Variants in ZDHHC21 observed in about 807,000 individuals in gnomAD.
ZDHHC21 encodes zDHHC palmitoyltransferase 21, also known as palmitoyltransferase ZDHHC21.
Under a neutral mutation model 34.6 loss-of-function variants are expected in ZDHHC21, and 15 were observed. The observed-to-expected ratio is 0.43, with a 90% CI of 0.29 to 0.67. The LOEUF (loss-of-function observed/expected upper bound fraction) is 0.67, where lower values mean the gene tolerates loss of function less well. Among genes scored for constraint, ZDHHC21 ranks in the 30% least tolerant of loss-of-function variants. The probability of loss-of-function intolerance (pLI) is 0.14; values close to 1 mark genes in which losing one functional copy is unlikely to be tolerated. For missense variants in ZDHHC21, 344 were observed against 327.7 expected, an observed-to-expected ratio of 1.05 and a Z score of -0.38; for synonymous variants, 142 against 101.8, an observed-to-expected ratio of 1.40 and a Z score of -2.38.
chr9:14,620,322 T>C (rs1825078739), intron 8 of ZDHHC21, among the ~76,000 whole-genome samples: 1 of 152,038 alleles, frequency 6.6e-6, no homozygotes. Flanking sequence ...AGAAGATTGC[T>C]TCCAGAAATG....
rs546014852 is a variant in ZDHHC21 at position 14,669,842 on chromosome 9, T to C, written c.253+2988A>G. On this transcript the variant is annotated intron_variant, in intron 5 of 9. Coordinates refer to ENST00000380916, the MANE Select transcript of ZDHHC21 (RefSeq NM_178566.6). ...ACACAGGAAGGGGAATATCACACTC[T>C]AGGGACTGTGGTGGGGTGGGGGGAG... Among the ~76,000 whole-genome samples the C allele has an allele frequency of 1.6e-3, 191 of 116,838 alleles. 1 individual carries two copies. The highest frequency in any genetic ancestry group is 5.7e-3 in the African/African-American group (170 of 30,026). The allele number at this position is 116,838 out of a possible 152,430, so 76.7% of individuals were successfully genotyped here.
chr9:14,623,007 T>C (rs530842445), intron 8 of ZDHHC21, among the ~76,000 whole-genome samples: 5 of 152,226 alleles, frequency 3.3e-5, no homozygotes, highest in African/African-American at 1.2e-4. Context: ...AACACTGTTC[T>C]ATACACACAA....
At chr9:14,678,320 A>G (rs758623342) in intron 3 of ZDHHC21, among the ~76,000 whole-genome samples, 1 of 152,080 alleles carries the variant, frequency 6.6e-6, no homozygotes, top group African/African-American at 2.4e-5. Context: ...CTGAAGCCCA[A>G]AACACATGAA....
intron 8 of ZDHHC21, among the ~76,000 whole-genome samples, chr9:14,631,165 T>C (rs1827277011): frequency 6.6e-6 from 1 of 152,248 alleles, no homozygotes; most frequent in Non-Finnish European, 1.5e-5. Context: ...ATCTGTTGTT[T>C]TGTGTGGCCA....
At chr9:14,642,098 A>G (rs184872005) in intron 7 of ZDHHC21, among the ~76,000 whole-genome samples, 32 of 152,314 alleles carry the variant, frequency 2.1e-4, no homozygotes, top group Non-Finnish European at 4.4e-4. Flanking sequence ...GATGAGACTA[A>G]AAGATCTACT....
intron 6 of ZDHHC21, among the ~76,000 whole-genome samples, chr9:14,660,813 G>A (rs1047473658): frequency 5.3e-5 from 8 of 151,340 alleles, no homozygotes; most frequent in East Asian, 3.9e-4. Context: ...TACTGCATTC[G>A]TTTGAAAAAA....
intron 4 of ZDHHC21, 30 bp from the exon 5 acceptor site, chr9:14,672,958 T>A (rs1223750622): frequency 1.5e-6 from 2 of 1,347,174 alleles, no homozygotes; most frequent in African/African-American, 1.5e-5. Flanking sequence ...AATAAATTAG[T>A]CACTTACCCT....
At chr9:14,594,092 T>G in the ZDHHC21 span, 5 of 152,176 alleles carry the variant, frequency 3.3e-5, no homozygotes, top group Non-Finnish European at 7.3e-5. Flanking sequence ...AATTGCTAGA[T>G]AAGATATTTG....
At chr9:14,609,602 T>C (rs577419531), downstream of ZDHHC21, among the ~76,000 whole-genome samples, 3 of 152,218 alleles carry the variant, frequency 2.0e-5, no homozygotes, top group Admixed American at 2.0e-4. Flanking sequence ...AGTGGTAATA[T>C]TAATGAATTT....
chr9:14,672,703 T>C (rs991014756), intron 5 of ZDHHC21, 127 bp downstream of exon 5: 2 of 619,032 alleles, frequency 3.2e-6, no homozygotes, highest in African/African-American at 1.9e-5. Context: ...AAAAGACACA[T>C]ACAAGCAAAG....
intron 8 of ZDHHC21, among the ~76,000 whole-genome samples, chr9:14,629,689 G>A (rs1826978742): frequency 6.6e-6 from 1 of 152,022 alleles, no homozygotes; most frequent in Admixed American, 6.5e-5. Flanking sequence ...GCTGGTAGGG[G>A]GTCTTACCTC....
At chr9:14,655,753 G>C (rs1167819889) in intron 7 of ZDHHC21, among the ~76,000 whole-genome samples, 1 of 151,020 alleles carries the variant, frequency 6.6e-6, no homozygotes, top group East Asian at 1.9e-4. Context: ...GGAAAGAAAA[G>C]GAGAAAAATG....
chr9:14,662,827 T>G (rs1322228374), intron 5 of ZDHHC21, among the ~76,000 whole-genome samples: 1 of 152,206 alleles, frequency 6.6e-6, no homozygotes, highest in African/African-American at 2.4e-5. Context: ...ACATACACTT[T>G]CCCTAAATCA....
intron 2 of ZDHHC21, among the ~76,000 whole-genome samples, chr9:14,680,373 C>A (rs1203836493): frequency 6.6e-6 from 1 of 152,050 alleles, no homozygotes; most frequent in Non-Finnish European, 1.5e-5. Context: ...TCTTTTAAAA[C>A]CACCCACTTC....
downstream of ZDHHC21, among the ~76,000 whole-genome samples, chr9:14,609,484 T>C (rs576444302): frequency 1.3e-5 from 2 of 152,256 alleles, no homozygotes; most frequent in African/African-American, 4.8e-5. Context: ...CAGTATGTGG[T>C]TGCCAATAAA....
intron 8 of ZDHHC21, among the ~76,000 whole-genome samples, chr9:14,636,317 T>A (rs1313529367): frequency 6.6e-6 from 1 of 152,130 alleles, no homozygotes; most frequent in Non-Finnish European, 1.5e-5. Context: ...AGTAAAAAGT[T>A]ACAAAGCAGA....
At chr9:14,606,094 C>A (rs2382487), downstream of ZDHHC21, among the ~76,000 whole-genome samples, 2 of 152,026 alleles carry the variant, frequency 1.3e-5, no homozygotes, top group East Asian at 1.9e-4. Flanking sequence ...ATAAAAAGTA[C>A]TAAATTTCAA....
intron 2 of ZDHHC21, chr9:14,683,620 G>A (rs1351267902): frequency 1.3e-5 from 2 of 152,126 alleles, no homozygotes; most frequent in African/African-American, 2.4e-5. Flanking sequence ...TCTACCAGAG[G>A]TACAAGGAGG....
intron 2 of ZDHHC21, among the ~76,000 whole-genome samples, chr9:14,689,888 C>T (rs1388171007): frequency 6.6e-6 from 1 of 152,076 alleles, no homozygotes; most frequent in Admixed American, 6.5e-5. Flanking sequence ...TTAGAATCTT[C>T]TAACAAAAAG....
Sources: gnomAD v4.1 joint callset for allele counts (sites outside exome capture counted in the v4.1 genomes callset) on GRCh38, gnomAD v4.1.1 for gene constraint, MANE v1.5 for transcripts, NCBI Gene and HGNC (gene_info 2026-07-23, HGNC 2026-07-21) for gene names.